SNX31: variants seen among roughly 807,000 people sequenced by gnomAD.
The protein encoded by SNX31 is sorting nexin 31.
In SNX31, 58 loss-of-function variants were observed where a neutral mutation model predicts 65.4. The ratio of observed to expected loss-of-function variants is 0.89; its 90% CI spans 0.72 to 1.10. The LOEUF (loss-of-function observed/expected upper bound fraction) is 1.10. Ranked by LOEUF, SNX31 falls within the 50% of genes least tolerant of loss-of-function variation. The pLI is 0.00. For synonymous variants in SNX31, 181 were observed against 190.1 expected, an observed-to-expected ratio of 0.95 and a Z score of 0.39; for missense variants, 523 against 529.7, an observed-to-expected ratio of 0.99 and a Z score of 0.12.
At chr8:100,581,006 C>A (rs1813448554) in intron 12 of SNX31, among the ~76,000 whole-genome samples, 1 of 151,162 alleles carries the variant, frequency 6.6e-6, no homozygotes, top group Non-Finnish European at 1.5e-5. Flanking sequence ...GTTAATATTG[C>A]CTTTAAGGGC....
intron 4 of SNX31, among the ~76,000 whole-genome samples, chr8:100,620,431 G>A (rs1817600734): frequency 6.6e-6 from 1 of 152,146 alleles, no homozygotes; most frequent in Admixed American, 6.5e-5. Flanking sequence ...CATTATCAAA[G>A]GGCAAGTTTT....
chr8:100,577,189 G>T lies in SNX31; in HGVS notation c.1171-114C>A. On this transcript the variant is annotated intron_variant, in intron 12 of 13. Transcript: ENST00000311812. ...GATAATCCTCTTAATCGTCCCAAAG[G>T]CTGCCGGTCAGCAGGTACACCTGCT... The T allele has an allele frequency of 5.7e-6, 5 of 878,082 alleles. No individual in the cohort carries two copies. In the South Asian group the frequency reaches 8.6e-5, roughly 15 times the overall value. The allele number at this position is 878,082 out of a possible 1,614,324, so 54.4% of individuals were successfully genotyped here.
intron 12 of SNX31, among the ~76,000 whole-genome samples, chr8:100,580,872 A>G (rs191148784): frequency 3.9e-4 from 59 of 152,352 alleles, no homozygotes; most frequent in African/African-American, 1.3e-3. Flanking sequence ...ATTTTTAAAT[A>G]AAGCAATCCT....
At chr8:100,605,044 G>A (rs577257202) in intron 8 of SNX31, among the ~76,000 whole-genome samples, 70 of 152,110 alleles carry the variant, frequency 4.6e-4, no homozygotes, top group African/African-American at 1.5e-3. Context: ...GACTACAGGC[G>A]TGCGCCACCG....
upstream of SNX31, chr8:100,649,747 G>T: frequency 2.2e-6 from 1 of 447,248 alleles, no homozygotes; most frequent in Non-Finnish European, 3.9e-6. Context: ...GGGATAGGTG[G>T]CGCCTGGGGC....
intron 11 of SNX31, among the ~76,000 whole-genome samples, chr8:100,584,753 T>C (rs1278787471): frequency 6.7e-6 from 1 of 150,236 alleles, no homozygotes; most frequent in Non-Finnish European, 1.5e-5. Flanking sequence ...TTTTTCTTTT[T>C]TTTTTTTTTT....
chr8:100,648,341 T>A lies in SNX31; in HGVS notation c.141+933A>T, dbSNP rs1414096083. ...TCTACACTTTTTTTTTTTTTTTTTT[T>A]AATAGAGACAAGGTCTCGGCTATGT... On this transcript the variant is annotated intron_variant, in intron 2 of 13. Coordinates refer to ENST00000311812, the MANE Select transcript of SNX31 (RefSeq NM_152628.4). This position sits in a 1 kb window ranked among gnomAD's most constrained non-coding sequence, Gnocchi z 4.3. Among the ~76,000 whole-genome samples, 4 of 145,582 alleles carry A rather than the reference T, an allele frequency of 2.7e-5. No individual in the cohort carries two copies. Among genetic ancestry groups the A allele is most frequent in the Non-Finnish European group, 4.5e-5 (3 of 66,784 alleles).
Position 100,622,582 on chromosome 8 carries a change from C to T in SNX31, c.322-4852G>A, listed in dbSNP as rs1345636617. Among the ~76,000 whole-genome samples the T allele has an allele frequency of 2.6e-5, 4 of 151,772 alleles. No homozygotes were observed. The highest frequency in any genetic ancestry group is 5.9e-5 in the Non-Finnish European group (4 of 67,966). The stretch of plus-strand genomic sequence containing the variant: ...AGGAGAATCACTTGAACCCAGGAGG[C>T]GGAGGTTGCAGTGAACTGAGATTGC... On this transcript the variant is annotated intron_variant, in intron 4 of 13. Transcript: ENST00000311812. This position sits in a 1 kb window ranked among gnomAD's most constrained non-coding sequence, Gnocchi z 5.0.
At chr8:100,654,841 T>C (rs1291209551) in intron 1 of SNX31, among the ~76,000 whole-genome samples, 1 of 152,116 alleles carries the variant, frequency 6.6e-6, no homozygotes, top group Non-Finnish European at 1.5e-5. Context: ...GGTGAGATAC[T>C]GTCTCTGCTA....
intron 11 of SNX31, among the ~76,000 whole-genome samples, chr8:100,587,905 T>C (rs1174986961): frequency 2.0e-5 from 3 of 152,228 alleles, no homozygotes; most frequent in Non-Finnish European, 4.4e-5. Context: ...AAGTTTGTCA[T>C]TGTGCAAACA....
Position 100,596,848 on chromosome 8 carries a change from C to A in SNX31, c.775-6G>T. Reference sequence around the variant, plus strand: ...TCCCGGGCCAGCTCCAAAAACTGCTCCAAAGAGGGTGATGTGGGGGGAGGG... The same window carrying A: ...TCCCGGGCCAGCTCCAAAAACTGCTACAAAGAGGGTGATGTGGGGGGAGGG... On this transcript the variant is annotated splice_polypyrimidine_tract_variant and splice_region_variant and intron_variant, in intron 9 of 13. Transcript: ENST00000311812. The A allele has an allele frequency of 6.2e-7, 1 of 1,613,170 alleles. No homozygotes were observed. The highest frequency in any genetic ancestry group is 8.5e-7 in the Non-Finnish European group (1 of 1,179,920).
At chr8:100,641,090 TAA>T (rs1218525699) in intron 2 of SNX31, among the ~76,000 whole-genome samples, 5 of 151,830 alleles carry the variant, frequency 3.3e-5, no homozygotes, top group South Asian at 2.1e-4. Flanking sequence ...TTTCAAAAAT[TAA>T]GTTTATTTAA....
rs1818249105 is a variant in SNX31 at position 100,629,041 on chromosome 8, G to T, written c.321+1286C>A. Among the ~76,000 whole-genome samples, 1 of 152,118 alleles carries T rather than the reference G, an allele frequency of 6.6e-6. No individual in the cohort carries two copies. Among genetic ancestry groups the T allele is most frequent in the Non-Finnish European group, 1.5e-5 (1 of 68,034 alleles). ...CAGGTTTGTAGCCTAGGGGCAGTAG[G>T]CTCTACCATCTAGGTTTGTGGTGTT... On this transcript the variant is annotated intron_variant, in intron 4 of 13. Transcript: ENST00000311812. This position sits in a 1 kb window ranked among gnomAD's most constrained non-coding sequence, Gnocchi z 5.1.
intron 2 of SNX31, among the ~76,000 whole-genome samples, chr8:100,644,871 C>G (rs1485664592): frequency 6.6e-6 from 1 of 152,218 alleles, no homozygotes; most frequent in African/African-American, 2.4e-5. Context: ...TACCATTGCC[C>G]AGGCAGGTCT....
rs377200080 is a variant in SNX31, at chr8:100,610,230, G to A, written c.612-1667C>T. Among the ~76,000 whole-genome samples the A allele has an allele frequency of 2.0e-5, 3 of 152,284 alleles. No individual in the cohort carries two copies. The highest frequency in any genetic ancestry group is 3.9e-4 in the East Asian group (2 of 5,186). ...CTTGCACGTATCATCTAGAGTTTAC[G>A]TATTTAAAAAAGACATAGGCAATGC... is the stretch of plus-strand genomic sequence containing the variant. On this transcript the variant is annotated intron_variant, in intron 7 of 13. Transcript: ENST00000311812. This position sits in a 1 kb window ranked among gnomAD's most constrained non-coding sequence, Gnocchi z 4.0.
At chr8:100,603,851 C>T (rs1815890468) in intron 8 of SNX31, among the ~76,000 whole-genome samples, 1 of 151,682 alleles carries the variant, frequency 6.6e-6, no homozygotes, top group African/African-American at 2.4e-5. Context: ...CATAGTCTTG[C>T]CCCAGCCTCC....
At chr8:100,642,867 T>A (rs1819354937) in intron 2 of SNX31, among the ~76,000 whole-genome samples, 1 of 152,196 alleles carries the variant, frequency 6.6e-6, no homozygotes, top group African/African-American at 2.4e-5. Flanking sequence ...GGGTTTTTTT[T>A]AAGACTGTGA....
chr8:100,583,974 T>C lies in SNX31; in HGVS notation c.1170+137A>G, dbSNP rs11996136. ...CTGAGCTACCAGAGGGAAGAGGAGC[T>C]CACTTCTGTGGTTTGGAGTCCTCCC... is the stretch of plus-strand genomic sequence containing the variant. On this transcript the variant is annotated intron_variant, in intron 12 of 13. Transcript: ENST00000311812. The C allele has an allele frequency of 2.7e-3, 1,692 of 637,786 alleles. 36 individuals carry two copies. In the African/African-American group the frequency reaches 0.03, roughly 11 times the overall value. The allele number at this position is 637,786 out of a possible 1,614,324, so 39.5% of individuals were successfully genotyped here. A position where few individuals can be genotyped will look rare whatever the true frequency, so the allele number is the denominator to read the frequency against.
At chr8:100,662,051 C>G (rs911532039) in intron 1 of SNX31, among the ~76,000 whole-genome samples, 1 of 152,182 alleles carries the variant, frequency 6.6e-6, no homozygotes, top group African/African-American at 2.4e-5. Context: ...TCTTGAACTC[C>G]TGGCCTCAAG....
Sources: allele counts gnomAD v4.1 joint callset (sites outside exome capture counted in the v4.1 genomes callset), GRCh38; gene constraint gnomAD v4.1.1; non-coding constraint Gnocchi (gnomAD v3.1); transcripts MANE v1.5; gene names NCBI Gene and HGNC (gene_info 2026-07-23, HGNC 2026-07-21).